INPP5F: variants seen among roughly 807,000 people sequenced by gnomAD.
INPP5F encodes phosphatidylinositide 4-phosphatase SAC2.
INPP5F carries 97 observed loss-of-function variants against 137.2 expected under a neutral mutation model. The ratio of observed to expected loss-of-function variants is 0.71; its 90% CI spans 0.60 to 0.84. The LOEUF is 0.84. Among genes scored for constraint, INPP5F ranks in the 40% least tolerant of loss-of-function variants. INPP5F has a pLI of 0.00. For missense variants in INPP5F, 1,271 were observed against 1,371.9 expected (o/e 0.93, Z 1.16); for synonymous variants, 504 against 476.9 (o/e 1.06, Z -0.74).
At chr10:119,749,819 C>T (rs932361905) in intron 1 of INPP5F, among the ~76,000 whole-genome samples, 8 of 152,164 alleles carry the variant, frequency 5.3e-5, no homozygotes, top group African/African-American at 1.9e-4. Flanking sequence ...CGCACTGTTG[C>T]CTGGGCTGGA....
At chr10:119,743,265 C>T (rs1262980738) in intron 1 of INPP5F, among the ~76,000 whole-genome samples, 1 of 152,068 alleles carries the variant, frequency 6.6e-6, no homozygotes, top group Non-Finnish European at 1.5e-5. Context: ...ACTTGCCTCC[C>T]CCCTTTCTAC....
chr10:119,758,376 G>T (rs953602615), intron 2 of INPP5F, among the ~76,000 whole-genome samples: 1 of 152,068 alleles, frequency 6.6e-6, no homozygotes, highest in East Asian at 1.9e-4. Flanking sequence ...CAAAAGGCCC[G>T]GTTCTTGGCA....
chr10:119,742,152 C>CTTATTTATTTATTTAT (rs59040706), intron 1 of INPP5F, among the ~76,000 whole-genome samples: 1 of 150,106 alleles, frequency 6.7e-6, no homozygotes, highest in African/African-American at 2.5e-5. Context: ...TGTTATTTTA[C>CTTATTTATTTATTTAT]TTATTTATTT....
At chr10:119,735,982 T>C (rs1848205444) in intron 1 of INPP5F, among the ~76,000 whole-genome samples, 1 of 152,124 alleles carries the variant, frequency 6.6e-6, no homozygotes, top group African/African-American at 2.4e-5. Context: ...ATACAAAAAT[T>C]AGGCGGGTGT....
At position 119,792,037 on chromosome 10, in the gene INPP5F, G is replaced by C. The variant is rs1850164879; in HGVS notation, c.612+1G>C. 1 of 1,614,186 alleles carries C rather than the reference G, an allele frequency of 6.2e-7. No homozygotes were observed. Among genetic ancestry groups the C allele is most frequent in the Non-Finnish European group, 8.5e-7 (1 of 1,180,028 alleles). On this transcript the variant is annotated splice_donor_variant, in intron 5 of 19. Coordinates refer to ENST00000650623, the MANE Select transcript of INPP5F (RefSeq NM_014937.4). LOFTEE classifies it high-confidence loss of function. ...GGACGGTCGGCCCCTCTGGCAGAAG[G>C]TACCACTCACAGCTCGTAGAGCAGG...
intron 2 of INPP5F, among the ~76,000 whole-genome samples, chr10:119,775,568 A>G (rs747516160): frequency 6.6e-6 from 1 of 152,196 alleles, no homozygotes; most frequent in Non-Finnish European, 1.5e-5. Context: ...CCCAGCCTCA[A>G]ATAGAATTCT....
At chr10:119,826,498 T>G (rs1488345590) in intron 19 of INPP5F, 133 bp from the exon 20 acceptor site, 4 of 691,048 alleles carry the variant, frequency 5.8e-6, no homozygotes, top group Admixed American at 2.7e-5. Flanking sequence ...CTGAGGGTTA[T>G]CTGTCAGTTA....
intron 12 of INPP5F, among the ~76,000 whole-genome samples, chr10:119,807,621 G>A (rs1489177965): frequency 6.6e-6 from 1 of 152,192 alleles, no homozygotes; most frequent in African/African-American, 2.4e-5. Flanking sequence ...TATTGTTTCT[G>A]TGTGCTTTTT....
In INPP5F at chr10:119,827,186, T is replaced by C; in HGVS notation, c.2805T>C (p.Ser935=). ...GTGGGCTTGGAAAAGGCCAGGAGTCTCCTTTGAAGAAAAGTCCTTCTGCTG... is the reference window on the plus strand; with the variant it reads ...GTGGGCTTGGAAAAGGCCAGGAGTCCCCTTTGAAGAAAAGTCCTTCTGCTG... ...HGSGLGKGQE[S]PLKKSPSAGD... Residue 935 remains serine, a synonymous_variant, in exon 20 of 20, where the codon TCT becomes TCC. Transcript: ENST00000650623. 1 of 1,614,110 alleles carries C rather than the reference T, an allele frequency of 6.2e-7. No individual in the cohort carries two copies. Among genetic ancestry groups the C allele is most frequent in the Non-Finnish European group, 8.5e-7 (1 of 1,180,018 alleles).
intron 1 of INPP5F, among the ~76,000 whole-genome samples, chr10:119,747,431 G>A (rs1848568565): frequency 6.6e-6 from 1 of 151,996 alleles, no homozygotes; most frequent in Admixed American, 6.6e-5. Flanking sequence ...TACCATGTTG[G>A]CCAGGCTGAA....
intron 2 of INPP5F, among the ~76,000 whole-genome samples, chr10:119,765,490 G>T (rs1026388525): frequency 9.9e-5 from 15 of 151,680 alleles, no homozygotes; most frequent in Non-Finnish European, 1.5e-4. Flanking sequence ...TCATGCTTCA[G>T]CCTCTTGAGT....
chr10:119,736,592 CTG>C (rs1213305767), intron 1 of INPP5F, among the ~76,000 whole-genome samples: 5 of 152,226 alleles, frequency 3.3e-5, no homozygotes, highest in African/African-American at 1.2e-4. Flanking sequence ...CCTAATTACA[CTG>C]TGGGACCTTT....
At chr10:119,769,245 C>T (rs557688693) in intron 2 of INPP5F, among the ~76,000 whole-genome samples, 15 of 152,194 alleles carry the variant, frequency 9.9e-5, no homozygotes, top group Admixed American at 4.6e-4. Context: ...AGTTGCAGTA[C>T]CCCTTAGAGG....
Position 119,810,178 on chromosome 10 carries a change from C to A in INPP5F, c.1648C>A (p.Leu550Ile). The part of the protein sequence containing the change: ...DGVNSANRYY[L>I]NRFKDAYRQA... ...AGTGAACTCAGCAAACAGATATTAC[C>A]TCAACCGATTTAAGGATGCTTATAG... The change falls in exon 14 of 20, where the codon CTC becomes ATC. Residue 550 changes from leucine (L) to isoleucine (I), a missense_variant. Coordinates refer to ENST00000650623, the MANE Select transcript of INPP5F (RefSeq NM_014937.4). 3 of 1,611,976 alleles carry A rather than the reference C, an allele frequency of 1.9e-6. No individual in the cohort carries two copies. Among genetic ancestry groups the A allele is most frequent in the Non-Finnish European group, 2.5e-6 (3 of 1,178,256 alleles).
intron 1 of INPP5F, among the ~76,000 whole-genome samples, chr10:119,742,524 G>T (rs1848407262): frequency 6.6e-6 from 1 of 152,128 alleles, no homozygotes. Flanking sequence ...TAGCAGTAGG[G>T]GTCAAGAGAA....
intron 2 of INPP5F, among the ~76,000 whole-genome samples, chr10:119,771,865 T>G (rs1300518476): frequency 1.5e-4 from 2 of 13,308 alleles, no homozygotes; most frequent in South Asian, 2.9e-3. Flanking sequence ...TATATATATA[T>G]ATATATATAT....
In INPP5F at chr10:119,733,029, G is replaced by A. The variant is rs527713208; in HGVS notation, c.97+6670G>A. The stretch of plus-strand genomic sequence containing the variant: ...TGACTCTAAAACCAGGTTTTCCTCA[G>A]TATTGACAAAAATGTTTTGTGAACC... On this transcript the variant is annotated intron_variant, in intron 1 of 19. Transcript: ENST00000650623. 9.2e-5 allele frequency among the ~76,000 whole-genome samples: 14 copies of A among 152,320 alleles called. No individual in the cohort carries two copies. In the East Asian group the frequency reaches 1.3e-3, roughly 15 times the overall value.
intron 1 of INPP5F, among the ~76,000 whole-genome samples, chr10:119,727,144 A>G (rs765345854): frequency 2.0e-5 from 3 of 152,222 alleles, no homozygotes; most frequent in Non-Finnish European, 2.9e-5. Flanking sequence ...GTTTCTTGTA[A>G]GATGGGGCTG....
chr10:119,773,362 T>C (rs1043033647), intron 2 of INPP5F, among the ~76,000 whole-genome samples: 1 of 152,170 alleles, frequency 6.6e-6, no homozygotes, highest in African/African-American at 2.4e-5. Context: ...CAGCCTGTTT[T>C]TCAAATTTTA....
Sources: gnomAD v4.1 joint callset for allele counts (sites outside exome capture counted in the v4.1 genomes callset) on GRCh38, gnomAD v4.1.1 for gene constraint, MANE v1.5 for transcripts, NCBI Gene and HGNC (gene_info 2026-07-23, HGNC 2026-07-21) for gene names.